Variants in KCNT2 observed in about 807,000 individuals in gnomAD.
KCNT2 encodes potassium channel subfamily T member 2.
KCNT2 carries 67 observed loss-of-function variants against 153.8 expected under a neutral mutation model. The ratio of observed to expected loss-of-function variants is 0.44; its 90% CI spans 0.36 to 0.53. KCNT2 has a LOEUF of 0.53. Among genes scored for constraint, KCNT2 ranks in the 20% least tolerant of loss-of-function variants. The pLI is 0.00. For missense variants in KCNT2, 975 were observed against 1,354.8 expected (o/e 0.72, Z 4.40); for synonymous variants, 500 against 458.8 (o/e 1.09, Z -1.15).
intron 25 of KCNT2, 33 bp from the exon 26 acceptor site, chr1:196,258,527 C>A (rs377159031): frequency 1.6e-6 from 2 of 1,285,522 alleles, no homozygotes; most frequent in Non-Finnish European, 1.1e-6. Context: ...TAATTAGATA[C>A]TTTAGAAATA....
intron 14 of KCNT2, among the ~76,000 whole-genome samples, chr1:196,350,984 T>C (rs1251221339): frequency 2.0e-5 from 3 of 152,216 alleles, no homozygotes; most frequent in East Asian, 1.9e-4. Flanking sequence ...TGCTTGTTTT[T>C]GTCAGGTTTG....
intron 26 of KCNT2, among the ~76,000 whole-genome samples, chr1:196,248,940 A>T (rs1030150422): frequency 6.6e-6 from 1 of 152,194 alleles, no homozygotes; most frequent in African/African-American, 2.4e-5. Flanking sequence ...ATTCAACAGC[A>T]CATTAGAAAG....
At chr1:196,419,429 C>T (rs943253432) in intron 12 of KCNT2, among the ~76,000 whole-genome samples, 5 of 146,004 alleles carry the variant, frequency 3.4e-5, no homozygotes, top group African/African-American at 7.6e-5. Context: ...TAAGAACATG[C>T]GGTGTTTGGT....
chr1:196,489,691 G>A (rs565586142), intron 3 of KCNT2, 147 bp downstream of exon 3: 2 of 529,908 alleles, frequency 3.8e-6, no homozygotes, highest in African/African-American at 2.0e-5. Context: ...ATTATGTAGT[G>A]CCTGTAAATC....
At chr1:196,494,632 C>G (rs958209575) in intron 1 of KCNT2, among the ~76,000 whole-genome samples, 2 of 152,064 alleles carry the variant, frequency 1.3e-5, no homozygotes, top group African/African-American at 4.8e-5. Flanking sequence ...GCCGGGATTA[C>G]AGGCGCAGAG....
intron 17 of KCNT2, among the ~76,000 whole-genome samples, chr1:196,333,547 T>A (rs1664696479): frequency 6.6e-6 from 1 of 152,022 alleles, no homozygotes; most frequent in Non-Finnish European, 1.5e-5. Flanking sequence ...ATTATGAAAA[T>A]GAAGCTTATA....
chr1:196,529,613 T>C (rs1477797365), intron 1 of KCNT2, among the ~76,000 whole-genome samples: 1 of 152,136 alleles, frequency 6.6e-6, no homozygotes, highest in East Asian at 1.9e-4. Context: ...TTATAGGATG[T>C]AAACATTTCA....
intron 8 of KCNT2, among the ~76,000 whole-genome samples, chr1:196,432,213 C>T (rs1439259037): frequency 6.6e-6 from 1 of 152,124 alleles, no homozygotes; most frequent in Non-Finnish European, 1.5e-5. Flanking sequence ...GCGCAAAGAG[C>T]ACAAGCTGTG....
At chr1:196,449,802 G>T (rs569820272) in intron 8 of KCNT2, among the ~76,000 whole-genome samples, 1 of 151,026 alleles carries the variant, frequency 6.6e-6, no homozygotes, top group Admixed American at 6.6e-5. Context: ...AATAGAAAAG[G>T]CACTAATAAA....
rs372614698 is a variant in KCNT2, at chr1:196,310,470, C to G, written c.2484-5125G>C. 3.3e-5 allele frequency among the ~76,000 whole-genome samples: 5 copies of G among 151,784 alleles called. No homozygotes were observed. In the East Asian group the frequency reaches 7.8e-4, roughly 24 times the overall value. ...ATTCAAAAATCTTATCCATGTAAAC[C>G]ATCACCAATCTAAACATTAAAAGTG... is the stretch of plus-strand genomic sequence containing the variant. On this transcript the variant is annotated intron_variant, in intron 21 of 27. Transcript: ENST00000294725.
intron 13 of KCNT2, among the ~76,000 whole-genome samples, chr1:196,395,417 AC>A (rs1418814701): frequency 6.6e-6 from 1 of 151,660 alleles, no homozygotes; most frequent in African/African-American, 2.4e-5. Context: ...CAAGTACAAT[AC>A]AAATTTGTTA....
intron 21 of KCNT2, among the ~76,000 whole-genome samples, chr1:196,312,718 G>A (rs1273621628): frequency 6.6e-6 from 1 of 151,746 alleles, no homozygotes; most frequent in Admixed American, 6.6e-5. Context: ...ATTGGCTCTT[G>A]ATTGAGAATA....
At chr1:196,526,328 T>G (rs1163584350) in intron 1 of KCNT2, among the ~76,000 whole-genome samples, 2 of 150,852 alleles carry the variant, frequency 1.3e-5, no homozygotes, top group Non-Finnish European at 3.0e-5. Flanking sequence ...AAAATATAAA[T>G]GCACACATAC....
At chr1:196,275,672 G>T (rs1658499449) in intron 25 of KCNT2, among the ~76,000 whole-genome samples, 2 of 151,926 alleles carry the variant, frequency 1.3e-5, no homozygotes, top group South Asian at 2.1e-4. Context: ...AAATGATGTG[G>T]CATGAAAACC....
At chr1:196,598,320 AC>A (rs749667182) in intron 1 of KCNT2, among the ~76,000 whole-genome samples, 6 of 152,020 alleles carry the variant, frequency 3.9e-5, no homozygotes, top group Non-Finnish European at 8.8e-5. Context: ...AACTACCTTT[AC>A]CCTATTTCAG....
chr1:196,308,781 A>C (rs1294593999), intron 21 of KCNT2, among the ~76,000 whole-genome samples: 1 of 152,026 alleles, frequency 6.6e-6, no homozygotes, highest in Non-Finnish European at 1.5e-5. Context: ...AGGAAGATAG[A>C]CCAGTGTAAG....
At chr1:196,539,337 C>T (rs1487629393) in intron 1 of KCNT2, among the ~76,000 whole-genome samples, 1 of 152,146 alleles carries the variant, frequency 6.6e-6, no homozygotes, top group East Asian at 1.9e-4. Flanking sequence ...AGTGCCCTCA[C>T]AGGCTTTCTT....
chr1:196,575,448 C>G (rs1422514636), intron 1 of KCNT2, among the ~76,000 whole-genome samples: 2 of 151,962 alleles, frequency 1.3e-5, no homozygotes, highest in Non-Finnish European at 2.9e-5. Context: ...GAGCTGTGAA[C>G]CCACCTAACG....
intron 21 of KCNT2, among the ~76,000 whole-genome samples, chr1:196,306,880 C>T (rs1661686287): frequency 6.6e-6 from 1 of 151,830 alleles, no homozygotes; most frequent in Non-Finnish European, 1.5e-5. Flanking sequence ...TAATAAAATT[C>T]ACAAATTATA....
Sources: allele counts gnomAD v4.1 joint callset (sites outside exome capture counted in the v4.1 genomes callset), GRCh38; gene constraint gnomAD v4.1.1; transcripts MANE v1.5; gene names NCBI Gene and HGNC (gene_info 2026-07-23, HGNC 2026-07-21).